The following NFIA variants were observed in gnomAD, a reference collection of about 807,000 sequenced individuals.
The protein encoded by NFIA is nuclear factor I A.
NFIA carries 8 observed loss-of-function variants against 62.8 expected under a neutral mutation model. That is an observed-to-expected ratio of 0.13 (90% CI 0.07 to 0.23). The LOEUF (loss-of-function observed/expected upper bound fraction) is 0.23. NFIA is among the 10% of genes least tolerant of loss of function. NFIA has a pLI of 1.00. For synonymous variants in NFIA, 235 were observed against 238.1 expected, an observed-to-expected ratio of 0.99 and a Z score of 0.12; for missense variants, 410 against 642.1, an observed-to-expected ratio of 0.64 and a Z score of 3.91.
chr1:61,426,024 T>G (rs1041606798), intron 9 of NFIA, among the ~76,000 whole-genome samples: 1 of 152,168 alleles, frequency 6.6e-6, no homozygotes, highest in Non-Finnish European at 1.5e-5. Context: ...ACAGGACCAT[T>G]TCATGATTTT....
At chr1:61,327,724 T>C (rs770692308) in intron 3 of NFIA, among the ~76,000 whole-genome samples, 13 of 152,192 alleles carry the variant, frequency 8.5e-5, no homozygotes, top group Admixed American at 6.5e-4. Flanking sequence ...GCAGTAAACA[T>C]ACACATACAG....
intron 7 of NFIA, among the ~76,000 whole-genome samples, chr1:61,385,402 C>T (rs1664629373): frequency 6.6e-6 from 1 of 152,114 alleles, no homozygotes; most frequent in African/African-American, 2.4e-5. Context: ...GGGTAGGCTC[C>T]CTCTTTTCCT....
chr1:61,432,388 T>G (rs1484221091), intron 10 of NFIA, among the ~76,000 whole-genome samples: 2 of 151,838 alleles, frequency 1.3e-5, no homozygotes, highest in Non-Finnish European at 2.9e-5. Context: ...AAACACCTCC[T>G]CCTGGTGGTA....
chr1:61,435,020 A>G (rs1160632189), intron 10 of NFIA, among the ~76,000 whole-genome samples: 1 of 152,216 alleles, frequency 6.6e-6, no homozygotes, highest in Non-Finnish European at 1.5e-5. Context: ...ATAGCCATGC[A>G]TGGAACTTAG....
At chr1:61,332,482 C>G in intron 3 of NFIA, 30 bp from the exon 4 acceptor site, 2 of 1,598,274 alleles carry the variant, frequency 1.3e-6, no homozygotes, top group Non-Finnish European at 1.7e-6. Context: ...ATTTATGACA[C>G]TTTGTTTTCT....
At chr1:61,284,752 G>A (rs1221788166) in intron 3 of NFIA, among the ~76,000 whole-genome samples, 1 of 152,126 alleles carries the variant, frequency 6.6e-6, no homozygotes, top group Non-Finnish European at 1.5e-5. Flanking sequence ...AAAATGGACT[G>A]ACTGGGTGGT....
intron 2 of NFIA, among the ~76,000 whole-genome samples, chr1:61,264,382 G>A (rs896540674): frequency 2.6e-5 from 4 of 152,046 alleles, no homozygotes; most frequent in African/African-American, 9.7e-5. Context: ...GGTGACTCAC[G>A]CCTATAATCC....
At chr1:61,211,086 G>A (rs1259335129) in intron 2 of NFIA, among the ~76,000 whole-genome samples, 2 of 152,160 alleles carry the variant, frequency 1.3e-5, no homozygotes, top group African/African-American at 4.8e-5. Flanking sequence ...TGGCTTATGG[G>A]TATCTTAGTA....
At chr1:61,232,587 A>C (rs1654745959) in intron 2 of NFIA, among the ~76,000 whole-genome samples, 1 of 152,158 alleles carries the variant, frequency 6.6e-6, no homozygotes, top group African/African-American at 2.4e-5. Flanking sequence ...AGAGTTGTAA[A>C]AGTTTTTATT....
chr1:61,322,556 G>A (rs151109883), intron 3 of NFIA, among the ~76,000 whole-genome samples: 2 of 152,100 alleles, frequency 1.3e-5, no homozygotes, highest in Admixed American at 6.6e-5. Context: ...TTTCAGGTAC[G>A]TGGGGGTAGA....
chr1:61,274,481 G>T (rs1453066440), intron 2 of NFIA, among the ~76,000 whole-genome samples: 1 of 152,088 alleles, frequency 6.6e-6, no homozygotes, highest in Non-Finnish European at 1.5e-5. Flanking sequence ...AGATCTTCTG[G>T]CTTTCAACCA....
chr1:61,272,353 C>A (rs72664890), intron 2 of NFIA, among the ~76,000 whole-genome samples: 9,521 of 152,118 alleles, frequency 0.063, 410 homozygotes, highest in East Asian at 0.15. Context: ...AGATAATTTT[C>A]CTAAATATTA....
chr1:61,335,547 G>C (rs1661556805), intron 4 of NFIA, among the ~76,000 whole-genome samples: 2 of 152,114 alleles, frequency 1.3e-5, no homozygotes, highest in African/African-American at 4.8e-5. Flanking sequence ...TCCTCGAATA[G>C]AAATAAGCTA....
At chr1:61,166,251 C>T (rs1057466914) in intron 2 of NFIA, among the ~76,000 whole-genome samples, 11 of 152,226 alleles carry the variant, frequency 7.2e-5, no homozygotes, top group Middle Eastern at 3.4e-3. Context: ...TTATGCCAGA[C>T]GCATTGAAAT....
chr1:61,395,292 T>TG lies in NFIA; in HGVS notation c.1076-8812_1076-8811insG, dbSNP rs1182578534. 4.6e-5 allele frequency among the ~76,000 whole-genome samples: 7 copies of TG among 151,152 alleles called. 1 individual carries two copies. Among genetic ancestry groups the TG allele is most frequent in the African/African-American group, 1.7e-4 (7 of 41,160 alleles). ...TTATTTTCTGTGTGTGTGTGTGTTTTTTTTTTTTTTTAATGCAGGAAAAGA... is the reference window on the plus strand; with the variant it reads ...TTATTTTCTGTGTGTGTGTGTGTTTTGTTTTTTTTTTTAATGCAGGAAAAGA... On this transcript the variant is annotated intron_variant, in intron 7 of 10. Transcript: ENST00000403491.
chr1:61,208,714 C>A (rs1570383288), intron 2 of NFIA, among the ~76,000 whole-genome samples: 1 of 152,072 alleles, frequency 6.6e-6, no homozygotes, highest in South Asian at 2.1e-4. Context: ...TGCTATTATT[C>A]TTGTATTAAC....
intron 5 of NFIA, among the ~76,000 whole-genome samples, 189 bp downstream of exon 5, chr1:61,352,756 TACACACACAC>T (rs10544967): frequency 5.3e-5 from 8 of 150,558 alleles, no homozygotes; most frequent in East Asian, 3.9e-4. Context: ...CAAGATTAAA[TACACACACAC>T]ACACACACAC....
chr1:61,261,539 T>C (rs1053210786), intron 2 of NFIA, among the ~76,000 whole-genome samples: 2 of 152,212 alleles, frequency 1.3e-5, no homozygotes, highest in African/African-American at 4.8e-5. Context: ...AAATGCATTT[T>C]CAACTGATGA....
chr1:61,231,169 T>G (rs1282311446), intron 2 of NFIA, among the ~76,000 whole-genome samples: 1 of 152,192 alleles, frequency 6.6e-6, no homozygotes, highest in Non-Finnish European at 1.5e-5. Flanking sequence ...ACTCATGAAG[T>G]TCTGTGTTTC....
Sources: allele counts gnomAD v4.1 joint callset (sites outside exome capture counted in the v4.1 genomes callset), GRCh38; gene constraint gnomAD v4.1.1; transcripts MANE v1.5; gene names NCBI Gene and HGNC (gene_info 2026-07-23, HGNC 2026-07-21).